Variants in LAMA4 observed in about 807,000 individuals in gnomAD.
LAMA4 encodes laminin subunit alpha 4.
A neutral mutation model predicts 207.1 loss-of-function variants in LAMA4; 127 were observed. That is an observed-to-expected ratio of 0.61 (90% confidence interval 0.53 to 0.71). The LOEUF (loss-of-function observed/expected upper bound fraction) is 0.71. LAMA4 is among the 30% of genes least tolerant of loss of function. LAMA4 has a pLI of 0.00. For missense variants in LAMA4, 2,093 were observed against 2,246.5 expected, an observed-to-expected ratio of 0.93 and a Z score of 1.38; for synonymous variants, 761 against 816.0, an observed-to-expected ratio of 0.93 and a Z score of 1.15.
At position 112,140,702 on chromosome 6, in the gene LAMA4, T is replaced by C. The variant is rs148312711; in HGVS notation, c.2976+58A>G. On this transcript the variant is annotated intron_variant, in intron 22 of 38. Coordinates refer to ENST00000230538, the MANE Select transcript of LAMA4 (RefSeq NM_001105206.3). ...CCCCAAGTCATTATAGGTTTATGGA[T>C]TTATAAAAACAATTACTGTAGATTT... 8,212 of 1,530,896 alleles carry C rather than the reference T, an allele frequency of 5.4e-3. 30 individuals are homozygous for C. Among genetic ancestry groups the C allele is most frequent in the Middle Eastern group, 8.0e-3 (47 of 5,872 alleles). The allele number at this position is 1,530,896 out of a possible 1,614,324, so 94.8% of individuals were successfully genotyped here.
chr6:112,193,503 C>T lies in LAMA4; in HGVS notation c.504-1653G>A, dbSNP rs557514859. On this transcript the variant is annotated intron_variant, in intron 5 of 38. Transcript: ENST00000230538. ...AAAAATCACATCTGTAATCCCAGGA[C>T]CCTAAAAAAGTCACTGTCAACATTT... Among the ~76,000 whole-genome samples, 25 of 152,028 alleles carry T rather than the reference C, an allele frequency of 1.6e-4. No homozygotes were observed. In the East Asian group the frequency reaches 3.7e-3, roughly 22 times the overall value.
chr6:112,191,424 T>C (rs1783113130), intron 6 of LAMA4, among the ~76,000 whole-genome samples: 1 of 152,232 alleles, frequency 6.6e-6, no homozygotes, highest in Non-Finnish European at 1.5e-5. Flanking sequence ...CCTAGTTTAT[T>C]CCACCCATGA....
At chr6:112,197,755 C>T (rs1783506594) in intron 5 of LAMA4, among the ~76,000 whole-genome samples, 2 of 152,256 alleles carry the variant, frequency 1.3e-5, no homozygotes, top group South Asian at 4.1e-4. Context: ...ACTCATGTCT[C>T]TCACCAATTT....
At chr6:112,171,693 A>G (rs990179495) in intron 12 of LAMA4, 3 of 146,400 alleles carry the variant, frequency 2.0e-5, no homozygotes, top group Non-Finnish European at 4.6e-5. Context: ...AAAAAAAAAA[A>G]AGTTATCCCA....
rs1777552896 is a variant in LAMA4, at chr6:112,108,960, C to T, written c.*477G>A. 5.8e-6 allele frequency: 1 copy of T among 172,244 alleles called. No homozygotes were observed. The highest frequency in any genetic ancestry group is 2.4e-5 in the African/African-American group (1 of 41,654). The allele number at this position is 172,244 out of a possible 1,614,324, so 10.7% of individuals were successfully genotyped here. A position where few individuals can be genotyped will look rare whatever the true frequency, so the allele number is the denominator to read the frequency against. On this transcript the variant is annotated 3_prime_UTR_variant, in exon 39 of 39. Transcript: ENST00000230538. ...TATACTGATAGACCAAACAAAAGGG[C>T]TAAAAACAAATCTATCATCTAATTT...
intron 16 of LAMA4, among the ~76,000 whole-genome samples, chr6:112,154,081 A>G (rs1780554874): frequency 6.6e-6 from 1 of 152,166 alleles, no homozygotes; most frequent in Non-Finnish European, 1.5e-5. Flanking sequence ...TGAATTTCCA[A>G]CCTCATTAGT....
Position 112,139,222 on chromosome 6 carries a change from C to A in LAMA4, c.3180G>T (p.Val1060=), listed in dbSNP as rs375842934. 1 of 1,614,184 alleles carries A rather than the reference C, an allele frequency of 6.2e-7. No individual in the cohort carries two copies. The highest frequency in any genetic ancestry group is 8.5e-7 in the Non-Finnish European group (1 of 1,180,004). The change falls in exon 24 of 39, where the codon GTG becomes GTT. Residue 1060 remains valine (V), a synonymous_variant. Transcript: ENST00000230538. ...ATTTCCCTCTCCTTGTGATGTCTCT[C>A]ACCACGGCATAACCGGAGCCATCGA... ...YFFDGSGYAV[V]RDITRRGKFG... is the part of the protein sequence containing the mutation.
chr6:112,213,942 G>T lies in LAMA4; in HGVS notation c.297+2426C>A, dbSNP rs782467083. On this transcript the variant is annotated intron_variant, in intron 3 of 38. Coordinates refer to ENST00000230538, the MANE Select transcript of LAMA4 (RefSeq NM_001105206.3). ...GTCAGGCAACCTGCAAGAACTGACT[G>T]AAACACTGGTCATGACAGTGAGCTA... 5 of 648,502 alleles carry T rather than the reference G, an allele frequency of 7.7e-6. No individual in the cohort carries two copies. The South Asian group carries it at 9.6e-5, about 12-fold the overall frequency. The allele number at this position is 648,502 out of a possible 1,614,324, so 40.2% of individuals were successfully genotyped here. A position where few individuals can be genotyped will look rare whatever the true frequency, so the allele number is the denominator to read the frequency against.
At chr6:112,112,459 G>T (rs1554321896) in intron 38 of LAMA4, among the ~76,000 whole-genome samples, 1 of 152,196 alleles carries the variant, frequency 6.6e-6, no homozygotes, top group East Asian at 1.9e-4. Context: ...AATCCTGGAG[G>T]CTCTTGGGAA....
At position 112,175,409 on chromosome 6, in the gene LAMA4, C is replaced by G. The variant is rs199831756; in HGVS notation, c.1261G>C (p.Val421Leu). Reference sequence around the variant, plus strand: ...TCTTCAAGCATCTTCTGGGCCAACACCAGCTTCTCAGAGATTTCCTTGGGG... The same window carrying G: ...TCTTCAAGCATCTTCTGGGCCAACAGCAGCTTCTCAGAGATTTCCTTGGGG... Reference protein sequence around the residue: ...LSPKEISEKLVLAQKMLEEIR... With the variant: ...LSPKEISEKLLLAQKMLEEIR... Residue 421 changes from valine (V) to leucine (L), a missense_variant, in exon 11 of 39, where the codon GTG (valine) becomes CTG (leucine). Around this residue, in one of 3 missense-constraint regions of LAMA4, gnomAD observed 1,704 missense variants for 1,788.4 expected, o/e 0.95. Transcript: ENST00000230538. The G allele has an allele frequency of 6.2e-7, 1 of 1,614,154 alleles. No individual in the cohort carries two copies. The highest frequency in any genetic ancestry group is 2.2e-5 in the East Asian group (1 of 44,882).
intron 19 of LAMA4, among the ~76,000 whole-genome samples, chr6:112,142,912 G>A (rs1192919087): frequency 6.6e-6 from 1 of 152,132 alleles, no homozygotes; most frequent in Non-Finnish European, 1.5e-5. Flanking sequence ...CATGAAATAC[G>A]ATAACTATAA....
At chr6:112,166,286 A>G (rs1362325745) in intron 12 of LAMA4, 1 of 152,050 alleles carries the variant, frequency 6.6e-6, no homozygotes, top group Admixed American at 6.5e-5. Flanking sequence ...GAGACAGAAA[A>G]GAATCACATT....
Position 112,141,448 on chromosome 6 carries a change from T to C in LAMA4, c.2723A>G (p.Tyr908Cys), listed in dbSNP as rs1554333223. ...AIKNDNLVYV[Y>C]NLGTKDVEIP... ...CTCCACATCTTTAGTTCCCAAATTA[T>C]AGACGTATACCAGATTATCATTTTT... Residue 908 changes from tyrosine (Y) to cysteine (C), a missense_variant, in exon 21 of 39, where the codon TAT becomes TGT. By Grantham distance (194) the Tyr-to-Cys change is radical (BLOSUM62 -2). Transcript: ENST00000230538. The C allele has an allele frequency of 5.0e-6, 8 of 1,611,722 alleles. No homozygotes were observed. Among genetic ancestry groups the C allele is most frequent in the African/African-American group, 1.3e-5 (1 of 74,886 alleles).
rs1554349152 is a variant in LAMA4, at chr6:112,191,762, T to A, written c.592A>T (p.Ile198Phe). The change falls in exon 6 of 39, where the codon ATC becomes TTC. Residue 198 changes from isoleucine to phenylalanine, a missense_variant. By Grantham distance (21) the Ile-to-Phe change is conservative (BLOSUM62 0). Transcript: ENST00000230538. ...GTGACTTCATCACAATCTTCAAAGA[T>A]CAGGTTGGGATCTGAATTTCCACTG... The part of the protein sequence containing the change: ...DCSGNSDPNL[I>F]FEDCDEVTGQ... The A allele has an allele frequency of 6.2e-7, 1 of 1,614,138 alleles. No individual in the cohort carries two copies. The highest frequency in any genetic ancestry group is 1.7e-5 in the Admixed American group (1 of 60,032).
rs574412607 is a variant in LAMA4, at chr6:112,240,048, T to G, written c.195+13908A>C. 2.6e-5 allele frequency among the ~76,000 whole-genome samples: 4 copies of G among 152,188 alleles called. No homozygotes were observed. The South Asian group carries it at 8.3e-4, about 32-fold the overall frequency. ...CCCAGCCTGGGCGACAGAGCGAGACTCTGTCTCAAAAAAACAAAAAAAAAG... is the reference window on the plus strand; with the variant it reads ...CCCAGCCTGGGCGACAGAGCGAGACGCTGTCTCAAAAAAACAAAAAAAAAG... On this transcript the variant is annotated intron_variant, in intron 2 of 38. Coordinates refer to ENST00000230538, the MANE Select transcript of LAMA4 (RefSeq NM_001105206.3).
chr6:112,176,065 T>C (rs781887401), intron 10 of LAMA4, among the ~76,000 whole-genome samples: 3 of 152,234 alleles, frequency 2.0e-5, no homozygotes, highest in Non-Finnish European at 4.4e-5. Flanking sequence ...TGAGGGTTTG[T>C]TATAATATGA....
rs1355239047 is a variant in LAMA4 at position 112,178,107 on chromosome 6, G to A, written c.1189+14C>T. On this transcript the variant is annotated intron_variant, in intron 10 of 38. Coordinates refer to ENST00000230538, the MANE Select transcript of LAMA4 (RefSeq NM_001105206.3). ...TCCTTGATATTAAACTGAACCAGAA[G>A]AGAATATATTTACCTTGGATTTTAT... is the stretch of plus-strand genomic sequence containing the variant. 6.5e-6 allele frequency: 10 copies of A among 1,545,748 alleles called. No individual in the cohort carries two copies. The highest frequency in any genetic ancestry group is 3.3e-5 in the Admixed American group (2 of 59,910).
chr6:112,122,313 T>G (rs1778411430), intron 31 of LAMA4, 112 bp from the exon 32 acceptor site: 1 of 834,612 alleles, frequency 1.2e-6, no homozygotes, highest in African/African-American at 1.7e-5. Context: ...TTTGTGCATT[T>G]TCCATTCATG....
At chr6:112,178,498 G>A (rs1782155685) in intron 9 of LAMA4, 1 of 426,654 alleles carries the variant, frequency 2.3e-6, no homozygotes, top group South Asian at 2.1e-5. Flanking sequence ...CTTTAGTGGT[G>A]ATTTGTTAGA....
Sources: gnomAD v4.1 joint callset for allele counts (sites outside exome capture counted in the v4.1 genomes callset) on GRCh38, gnomAD v4.1.1 for gene constraint, gnomAD v4.1.1 regional missense constraint, MANE v1.5 for transcripts, NCBI Gene and HGNC (gene_info 2026-07-23, HGNC 2026-07-21) for gene names.